SOS1: variants seen among roughly 807,000 people sequenced by gnomAD.
SOS1 encodes SOS Ras/Rac guanine nucleotide exchange factor 1.
A neutral mutation model predicts 157.6 loss-of-function variants in SOS1; 25 were observed. The observed-to-expected ratio is 0.16, with a 90% CI of 0.12 to 0.22. The LOEUF (loss-of-function observed/expected upper bound fraction) is 0.22, where lower values mean the gene tolerates loss of function less well. SOS1 is among the 10% of genes least tolerant of loss of function. SOS1 has a pLI of 1.00. For missense variants in SOS1, 1,237 were observed against 1,599.1 expected, an observed-to-expected ratio of 0.77 and a Z score of 3.86; for synonymous variants, 528 against 534.0, an observed-to-expected ratio of 0.99 and a Z score of 0.16.
rs1671149646 is a variant in SOS1, at chr2:39,054,831, G to T, written c.511-8C>A. On this transcript the variant is annotated splice_polypyrimidine_tract_variant and splice_region_variant and intron_variant, in intron 4 of 22. Transcript: ENST00000402219. Reference sequence around the variant, plus strand: ...AAACATATCCATCAATACCTATACAGTCAGAGATATAAAAAAGTATAATAA... The same window carrying T: ...AAACATATCCATCAATACCTATACATTCAGAGATATAAAAAAGTATAATAA... The T allele has an allele frequency of 8.1e-7, 1 of 1,238,342 alleles. No individual in the cohort carries two copies. Among genetic ancestry groups the T allele is most frequent in the Non-Finnish European group, 1.2e-6 (1 of 840,912 alleles). 76.7% of individuals were successfully genotyped at this position (1,238,342 alleles called of 1,614,324 possible).
chr2:39,121,521 T>C (rs78510010), upstream of SOS1, among the ~76,000 whole-genome samples: 10,190 of 152,316 alleles, frequency 0.067, 461 homozygotes, highest in East Asian at 0.19. Flanking sequence ...AATAATAAAA[T>C]GTGTACGTGT....
chr2:38,997,037 C>T lies in SOS1; in HGVS notation c.2966G>A (p.Arg989Lys), dbSNP rs202043599. The T allele has an allele frequency of 2.3e-4, 350 of 1,491,372 alleles. No homozygotes were observed. Among genetic ancestry groups the T allele is most frequent in the Non-Finnish European group, 3.1e-4 (333 of 1,072,412 alleles). The allele number at this position is 1,491,372 out of a possible 1,614,324, so 92.4% of individuals were successfully genotyped here. Residue 989 changes from arginine to lysine, a missense_variant and splice_region_variant, in exon 19 of 23, where the codon AGG becomes AAG. Arg to Lys is a conservative substitution (Grantham distance 26). Around this residue, in one of 15 missense-constraint regions of SOS1, gnomAD observed 34 missense variants for 28.1 expected, o/e 1.21. Coordinates refer to ENST00000402219, the MANE Select transcript of SOS1 (RefSeq NM_005633.4). ...CATCGGATTCAAGTTTTCAAAGAAC[C>T]TCTAAAATAAATGCAAAGAAAAAAT... ...YCLRVESDIKRFFENLNPMGN... is the reference protein window; with the variant it reads ...YCLRVESDIKKFFENLNPMGN...
intron 1 of SOS1, among the ~76,000 whole-genome samples, chr2:39,087,459 G>T (rs2148181441): frequency 6.6e-6 from 1 of 152,266 alleles, no homozygotes; most frequent in South Asian, 2.1e-4. Flanking sequence ...ATTAAACACA[G>T]AATATTTACA....
At chr2:39,007,970 G>C (rs1669334259) in intron 15 of SOS1, among the ~76,000 whole-genome samples, 1 of 152,128 alleles carries the variant, frequency 6.6e-6, no homozygotes, top group African/African-American at 2.4e-5. Context: ...AACCAAGACT[G>C]GTCCCTCCCT....
chr2:38,996,153 G>A (rs1162510811), intron 19 of SOS1, among the ~76,000 whole-genome samples: 2 of 151,966 alleles, frequency 1.3e-5, no homozygotes, highest in African/African-American at 4.8e-5. Context: ...GCCATGGCAC[G>A]ATCTTGGCTC....
At chr2:39,017,632 A>T (rs986607048) in intron 10 of SOS1, among the ~76,000 whole-genome samples, 1 of 152,064 alleles carries the variant, frequency 6.6e-6, no homozygotes, top group African/African-American at 2.4e-5. Flanking sequence ...CAAACCAAGA[A>T]AATCTGGCAA....
rs1419822222 is a variant in SOS1, at chr2:39,091,212, T to C, written c.88-23459A>G. 2.6e-5 allele frequency among the ~76,000 whole-genome samples: 4 copies of C among 152,270 alleles called. No individual in the cohort carries two copies. In the East Asian group the frequency reaches 5.8e-4, roughly 22 times the overall value. On this transcript the variant is annotated intron_variant, in intron 1 of 22. Transcript: ENST00000402219. ...TCAACCTCTCAGGTGGGACCAACACTGCTGGTCTGAGGAATGTCCTTTGTG... is the reference window on the plus strand; with the variant it reads ...TCAACCTCTCAGGTGGGACCAACACCGCTGGTCTGAGGAATGTCCTTTGTG...
intron 1 of SOS1, among the ~76,000 whole-genome samples, chr2:39,118,582 A>G (rs1042107250): frequency 1.8e-4 from 27 of 152,214 alleles, no homozygotes; most frequent in African/African-American, 6.5e-4. Context: ...ATATGCAAAA[A>G]GGACAAGTGG....
chr2:39,040,282 G>A (rs943283098), intron 6 of SOS1, among the ~76,000 whole-genome samples: 10 of 152,092 alleles, frequency 6.6e-5, no homozygotes, highest in African/African-American at 2.4e-4. Context: ...CTCTCAAAGT[G>A]CTGGGATTAC....
chr2:39,009,094 A>C (rs1669376919), intron 15 of SOS1, among the ~76,000 whole-genome samples: 1 of 152,156 alleles, frequency 6.6e-6, no homozygotes, highest in African/African-American at 2.4e-5. Flanking sequence ...GAAAGCATGA[A>C]AAAGAAGGAA....
chr2:39,045,055 T>G (rs1670714538), intron 6 of SOS1, among the ~76,000 whole-genome samples: 1 of 152,182 alleles, frequency 6.6e-6, no homozygotes, highest in Admixed American at 6.5e-5. Flanking sequence ...TTGTTATACT[T>G]TATTGTTTAG....
intron 1 of SOS1, among the ~76,000 whole-genome samples, chr2:39,096,434 C>T (rs1222221134): frequency 1.3e-5 from 2 of 152,122 alleles, no homozygotes; most frequent in Admixed American, 1.3e-4. Context: ...ATGAGACATA[C>T]TTTTTAAAAA....
At position 39,024,082 on chromosome 2, in the gene SOS1, A is replaced by G; in HGVS notation, c.1130T>C (p.Ile377Thr). Residue 377 changes from isoleucine to threonine, a missense_variant, in exon 9 of 23, where the codon ATA (isoleucine) becomes ACA (threonine). This residue lies in a region of SOS1 where 101 missense variants were observed against 171.5 expected (regional missense o/e 0.59). Coordinates refer to ENST00000402219, the MANE Select transcript of SOS1 (RefSeq NM_005633.4). ...ACTCTGAACATTAAGCAAAGCTGTT[A>G]TTGCTTGTTTTAAACATTCCTTGTC... The part of the protein sequence containing the change: ...QEDKECLKQA[I>T]TALLNVQSGM... 1 of 1,604,712 alleles carries G rather than the reference A, an allele frequency of 6.2e-7. No individual in the cohort carries two copies. The highest frequency in any genetic ancestry group is 8.5e-7 in the Non-Finnish European group (1 of 1,171,656).
At chr2:39,077,710 G>C (rs766240972) in intron 1 of SOS1, among the ~76,000 whole-genome samples, 2 of 152,194 alleles carry the variant, frequency 1.3e-5, no homozygotes, top group African/African-American at 2.4e-5. Context: ...AGAGCCAGTA[G>C]TATAGATTCA....
At chr2:39,116,713 T>G (rs1673662976) in intron 1 of SOS1, among the ~76,000 whole-genome samples, 1 of 151,986 alleles carries the variant, frequency 6.6e-6, no homozygotes, top group South Asian at 2.1e-4. Flanking sequence ...ATACAAAAAT[T>G]ATCTGGATGT....
At chr2:39,030,050 C>T (rs544414490) in intron 8 of SOS1, among the ~76,000 whole-genome samples, 154 of 151,902 alleles carry the variant, frequency 1.0e-3, no homozygotes, top group African/African-American at 3.6e-3. Context: ...CATGTGCCTA[C>T]GGTCCTAGCT....
rs368433255 is a variant in SOS1, at chr2:39,043,681, C to G, written c.864+7463G>C. 3.3e-5 allele frequency among the ~76,000 whole-genome samples: 5 copies of G among 152,154 alleles called. 1 individual carries two copies. The East Asian group carries it at 9.6e-4, about 29-fold the overall frequency. ...TGGTAGGGACTCTGCAGAGTCCTGACGCGGTGCAGGGCATCACATGGCAAG... is the reference window on the plus strand; with the variant it reads ...TGGTAGGGACTCTGCAGAGTCCTGAGGCGGTGCAGGGCATCACATGGCAAG... On this transcript the variant is annotated intron_variant, in intron 6 of 22. Transcript: ENST00000402219.
chr2:39,005,250 T>A (rs1235918628), intron 17 of SOS1, among the ~76,000 whole-genome samples: 4 of 152,190 alleles, frequency 2.6e-5, no homozygotes, highest in African/African-American at 9.6e-5. Flanking sequence ...TGACCATGGA[T>A]AACTGAAACC....
chr2:39,029,665 AC>A (rs2124550799), intron 8 of SOS1, among the ~76,000 whole-genome samples: 1 of 151,944 alleles, frequency 6.6e-6, no homozygotes, highest in Admixed American at 6.5e-5. Flanking sequence ...AAACACCAAA[AC>A]CAAAAAATTA....
Sources: allele counts gnomAD v4.1 joint callset (sites outside exome capture counted in the v4.1 genomes callset), GRCh38; gene constraint gnomAD v4.1.1; regional missense constraint gnomAD v4.1.1; transcripts MANE v1.5; gene names NCBI Gene and HGNC (gene_info 2026-07-23, HGNC 2026-07-21).